CCDC178: variants seen among roughly 807,000 people sequenced by gnomAD.
The protein encoded by CCDC178 is coiled-coil domain-containing protein 178.
CCDC178 carries 126 observed loss-of-function variants against 117.4 expected under a neutral mutation model. The ratio of observed to expected loss-of-function variants is 1.07; its 90% confidence interval spans 0.93 to 1.24. The LOEUF (loss-of-function observed/expected upper bound fraction) is 1.24, where lower values mean the gene tolerates loss of function less well. Ranked by LOEUF, CCDC178 falls within the 50% of genes most tolerant of loss-of-function variation. The pLI is 0.00. For missense variants in CCDC178, 1,030 were observed against 986.9 expected (o/e 1.04, Z -0.59); for synonymous variants, 283 against 313.4 (o/e 0.90, Z 1.02).
chr18:33,035,122 G>A (rs1367405064), intron 21 of CCDC178, among the ~76,000 whole-genome samples: 2 of 151,974 alleles, frequency 1.3e-5, no homozygotes, highest in Non-Finnish European at 2.9e-5. Flanking sequence ...GAGACTTCTA[G>A]AGAGGAGAGA....
rs1421252350 is a variant in CCDC178, at chr18:33,011,857, C to T, written c.2389-37176G>A. On this transcript the variant is annotated intron_variant, in intron 21 of 22. Transcript: ENST00000383096. ...CTGGGCTCATTGCAGACTACAGTTT[C>T]CCTGTTGGAGATGATGGTTACGGTG... Among the ~76,000 whole-genome samples the T allele has an allele frequency of 1.4e-5, 2 of 139,742 alleles. 1 individual carries two copies. Among genetic ancestry groups the T allele is most frequent in the South Asian group, 4.7e-4 (2 of 4,222 alleles). The allele number at this position is 139,742 out of a possible 152,430, so 91.7% of individuals were successfully genotyped here.
intron 5 of CCDC178, among the ~76,000 whole-genome samples, chr18:33,385,714 T>C (rs1265106402): frequency 7.2e-5 from 11 of 152,132 alleles, no homozygotes; most frequent in Admixed American, 7.2e-4. Flanking sequence ...GCTAAAGCAG[T>C]GTTAAGTGGC....
chr18:33,144,955 T>C (rs1449855328), intron 20 of CCDC178, among the ~76,000 whole-genome samples: 2 of 152,190 alleles, frequency 1.3e-5, no homozygotes, highest in Non-Finnish European at 2.9e-5. Flanking sequence ...AAGTTATTGA[T>C]AACACAAGGA....
At chr18:33,173,952 A>G (rs1568033706) in intron 20 of CCDC178, among the ~76,000 whole-genome samples, 2 of 152,182 alleles carry the variant, frequency 1.3e-5, no homozygotes, top group South Asian at 4.1e-4. Flanking sequence ...AATAATATTA[A>G]GACACGGAGA....
At chr18:33,005,224 C>T (rs912154225) in intron 21 of CCDC178, among the ~76,000 whole-genome samples, 1 of 152,020 alleles carries the variant, frequency 6.6e-6, no homozygotes, top group African/African-American at 2.4e-5. Context: ...AAATGCCTAT[C>T]AACAGATGAT....
At chr18:33,192,626 C>T (rs575101321) in intron 20 of CCDC178, among the ~76,000 whole-genome samples, 4 of 152,236 alleles carry the variant, frequency 2.6e-5, no homozygotes, top group East Asian at 1.9e-4. Flanking sequence ...ATGGGCCCTG[C>T]GCGGTGGCTC....
chr18:33,025,042 C>T (rs1414520082), intron 21 of CCDC178, among the ~76,000 whole-genome samples: 1 of 152,124 alleles, frequency 6.6e-6, no homozygotes, highest in African/African-American at 2.4e-5. Flanking sequence ...CCAATACATC[C>T]TTACGAATAC....
At chr18:33,092,405 A>T (rs967823410) in intron 21 of CCDC178, among the ~76,000 whole-genome samples, 1 of 152,114 alleles carries the variant, frequency 6.6e-6, no homozygotes, top group African/African-American at 2.4e-5. Context: ...CCTCTATACT[A>T]AAAGGACAAT....
At position 33,153,978 on chromosome 18, in the gene CCDC178, G is replaced by A. The variant is rs201039599; in HGVS notation, c.2238+57918C>T. Among the ~76,000 whole-genome samples the A allele has an allele frequency of 8.6e-5, 13 of 151,986 alleles. No homozygotes were observed. The East Asian group carries it at 1.4e-3, about 16-fold the overall frequency. On this transcript the variant is annotated intron_variant, in intron 20 of 22. Transcript: ENST00000383096. ...ATCACTATATATAACGAGAAAAGAC[G>A]TAATATTGGTTTACTATTCAACTTA...
At chr18:33,129,143 T>C (rs531066195) in intron 20 of CCDC178, among the ~76,000 whole-genome samples, 1 of 152,236 alleles carries the variant, frequency 6.6e-6, no homozygotes, top group East Asian at 1.9e-4. Flanking sequence ...CCATTAGATT[T>C]AAGGAATTAA....
intron 11 of CCDC178, among the ~76,000 whole-genome samples, chr18:33,294,125 T>C (rs1210869248): frequency 6.6e-6 from 1 of 152,210 alleles, no homozygotes; most frequent in Non-Finnish European, 1.5e-5. Flanking sequence ...TGTTCCTATA[T>C]GACCCTCCCA....
chr18:33,136,170 G>A (rs2058123322), intron 20 of CCDC178: 1 of 151,938 alleles, frequency 6.6e-6, no homozygotes, highest in African/African-American at 2.4e-5. Context: ...TGAGAAGCCA[G>A]AGAACTGAAT....
chr18:33,103,449 A>G (rs2057659887), intron 20 of CCDC178, among the ~76,000 whole-genome samples: 1 of 151,678 alleles, frequency 6.6e-6, no homozygotes, highest in Non-Finnish European at 1.5e-5. Flanking sequence ...CTCTCATTCA[A>G]GATCTATTTG....
Position 33,333,335 on chromosome 18 carries a change from T to G in CCDC178, c.718A>C (p.Asn240His). ...TGTTTTTCAAAATGTTGTAGTTGAT[T>G]AGCTTTATCTTCAAGATGCCATTGT... ...ELQWHLEDKA[N>H]QLQHFEKQKT... The change falls in exon 10 of 23, where the codon AAT (asparagine) becomes CAT (histidine). Residue 240 changes from asparagine (N) to histidine (H), a missense_variant. By Grantham distance (68) the Asn-to-His change is moderately conservative. Transcript: ENST00000383096. The G allele has an allele frequency of 1.2e-6, 2 of 1,612,524 alleles. No homozygotes were observed. Among genetic ancestry groups the G allele is most frequent in the Non-Finnish European group, 1.7e-6 (2 of 1,179,186 alleles).
intron 20 of CCDC178, among the ~76,000 whole-genome samples, chr18:33,117,243 TTCAG>T (rs2057870359): frequency 1.3e-5 from 2 of 152,238 alleles, no homozygotes; most frequent in African/African-American, 4.8e-5. Context: ...AGATGGTCCA[TTCAG>T]TCAATTATGA....
intron 21 of CCDC178, among the ~76,000 whole-genome samples, chr18:33,037,706 A>T (rs1423226265): frequency 2.0e-5 from 3 of 151,952 alleles, no homozygotes; most frequent in African/African-American, 7.2e-5. Flanking sequence ...TTCAAGTTAG[A>T]TACCAAGAGT....
intron 12 of CCDC178, among the ~76,000 whole-genome samples, chr18:33,286,557 T>C (rs2060100912): frequency 6.6e-6 from 1 of 152,198 alleles, no homozygotes; most frequent in African/African-American, 2.4e-5. Flanking sequence ...TCAAAAGGCA[T>C]ATTTGAATGG....
chr18:33,015,151 G>A (rs2055956055), intron 21 of CCDC178, among the ~76,000 whole-genome samples: 1 of 151,790 alleles, frequency 6.6e-6, no homozygotes. Context: ...AGCTACTTGG[G>A]AGGCTGAGGC....
Position 33,249,168 on chromosome 18 carries a change from C to T in CCDC178, c.1410-3740G>A, listed in dbSNP as rs1303065149. Among the ~76,000 whole-genome samples, 16 of 152,132 alleles carry T rather than the reference C, an allele frequency of 1.1e-4. No individual in the cohort carries two copies. The South Asian group carries it at 3.3e-3, about 32-fold the overall frequency. Reference sequence around the variant, plus strand: ...GTTCATTGTAGATTCTGGATATTAGCCCTTTGTCAGATGAGTAGATTGCAA... The same window carrying T: ...GTTCATTGTAGATTCTGGATATTAGTCCTTTGTCAGATGAGTAGATTGCAA... On this transcript the variant is annotated intron_variant, in intron 14 of 22. Coordinates refer to ENST00000383096, the MANE Select transcript of CCDC178 (RefSeq NM_001105528.4).
Sources: gnomAD v4.1 joint callset for allele counts (sites outside exome capture counted in the v4.1 genomes callset) on GRCh38, gnomAD v4.1.1 for gene constraint, MANE v1.5 for transcripts, NCBI Gene and HGNC (gene_info 2026-07-23, HGNC 2026-07-21) for gene names.